PCDHGA1: variants seen among roughly 807,000 people sequenced by gnomAD.
PCDHGA1 encodes protocadherin gamma subfamily A, 1, also known as protocadherin gamma-A1.
In PCDHGA1, 32 loss-of-function variants were observed where a neutral mutation model predicts 58.0. The ratio of observed to expected loss-of-function variants is 0.55; its 90% CI spans 0.42 to 0.74. The LOEUF is 0.74. Ranked by LOEUF, PCDHGA1 falls within the 30% of genes least tolerant of loss-of-function variation. The pLI is 0.00. For synonymous variants in PCDHGA1, 498 were observed against 501.1 expected (o/e 0.99, Z 0.08); for missense variants, 1,205 against 1,182.3 (o/e 1.02, Z -0.28).
intron 1 of PCDHGA1, chr5:141,376,307 G>C: frequency 6.2e-7 from 1 of 1,614,192 alleles, no homozygotes; most frequent in Non-Finnish European, 8.5e-7. Flanking sequence ...GCACTTTGTG[G>C]GCGTGGAAGG....
At position 141,331,134 on chromosome 5, in the gene PCDHGA1, C is replaced by T; in HGVS notation, c.450C>T (p.Thr150=). 2 of 1,614,126 alleles carry T rather than the reference C, an allele frequency of 1.2e-6. No homozygotes were observed. The highest frequency in any genetic ancestry group is 1.7e-6 in the Non-Finnish European group (2 of 1,180,026). Residue 150 remains threonine (T), a synonymous_variant, in exon 1 of 4, where the codon ACC becomes ACT. Coordinates refer to ENST00000517417, the MANE Select transcript of PCDHGA1 (RefSeq NM_018912.3). ...FKMNEITTPG[T]RVSLPFGQDL... The stretch of plus-strand genomic sequence containing the variant: ...TGAATGAAATAACGACTCCAGGTAC[C>T]AGAGTCTCATTGCCTTTTGGGCAAG...
chr5:141,448,834 A>G (rs910945659), intron 1 of PCDHGA1, among the ~76,000 whole-genome samples: 2 of 151,780 alleles, frequency 1.3e-5, no homozygotes, highest in African/African-American at 4.8e-5. Context: ...AGTCCCAGCT[A>G]CTCTGGAGGC....
At position 141,486,811 on chromosome 5, in the gene PCDHGA1, C is replaced by A. The variant is rs2099635196; in HGVS notation, c.2422-7996C>A. On this transcript the variant is annotated intron_variant, in intron 1 of 3. Coordinates refer to ENST00000517417, the MANE Select transcript of PCDHGA1 (RefSeq NM_018912.3). The surrounding 1 kb of genome is among the most constrained non-coding windows in gnomAD (Gnocchi z 5.0). ...GGGATCGGGGCAACCCACCCCTTAG[C>A]AGCACTGTAACAGTTCGTCTATTTG... The A allele has an allele frequency of 1.2e-6, 2 of 1,614,124 alleles. No homozygotes were observed. The highest frequency in any genetic ancestry group is 2.2e-5 in the East Asian group (1 of 44,900).
At chr5:141,466,809 C>T (rs1187657283) in intron 1 of PCDHGA1, among the ~76,000 whole-genome samples, 2 of 152,102 alleles carry the variant, frequency 1.3e-5, no homozygotes, top group African/African-American at 4.8e-5. Context: ...CCTATTCAGA[C>T]ATGGTATAAC....
chr5:141,406,477 A>G (rs1233914824), intron 1 of PCDHGA1, among the ~76,000 whole-genome samples: 1 of 152,166 alleles, frequency 6.6e-6, no homozygotes, highest in Non-Finnish European at 1.5e-5. Flanking sequence ...TTGAGGTTAT[A>G]TTTTTCAGAT....
At chr5:141,433,066 C>A in intron 1 of PCDHGA1, 2 of 1,614,210 alleles carry the variant, frequency 1.2e-6, no homozygotes, top group Non-Finnish European at 1.7e-6. Context: ...GTCACCTGAT[C>A]TTCCCCCAGC....
At chr5:141,418,115 G>C in intron 1 of PCDHGA1, 1 of 1,614,098 alleles carries the variant, frequency 6.2e-7, no homozygotes, top group South Asian at 1.1e-5. Context: ...GGACTTACTT[G>C]TGAAGGACCG....
intron 1 of PCDHGA1, chr5:141,410,140 G>C: frequency 6.2e-7 from 1 of 1,612,782 alleles, no homozygotes; most frequent in Non-Finnish European, 8.5e-7. Context: ...TGGTCGCTGT[G>C]CGTGACGGTG....
chr5:141,432,413 G>C lies in PCDHGA1; in HGVS notation c.2422-62394G>C, dbSNP rs369816901. 9 of 1,614,114 alleles carry C rather than the reference G, an allele frequency of 5.6e-6. No homozygotes were observed. The highest frequency in any genetic ancestry group is 1.3e-5 in the African/African-American group (1 of 74,946). ...CAGCAACGTGTCGTTGAGCCTGTTCGTGCTGGACCAGAACGACAATGCGCC... is the reference window on the plus strand; with the variant it reads ...CAGCAACGTGTCGTTGAGCCTGTTCCTGCTGGACCAGAACGACAATGCGCC... On this transcript the variant is annotated intron_variant, in intron 1 of 3. Coordinates refer to ENST00000517417, the MANE Select transcript of PCDHGA1 (RefSeq NM_018912.3). This position sits in a 1 kb window ranked among gnomAD's most constrained non-coding sequence, Gnocchi z 6.0.
chr5:141,399,018 T>C lies in PCDHGA1; in HGVS notation c.2421+65913T>C. 5 of 1,613,892 alleles carry C rather than the reference T, an allele frequency of 3.1e-6. No individual in the cohort carries two copies. The South Asian group carries it at 3.3e-5, about 11-fold the overall frequency. On this transcript the variant is annotated intron_variant, in intron 1 of 3. Coordinates refer to ENST00000517417, the MANE Select transcript of PCDHGA1 (RefSeq NM_018912.3). ...GTCTGAATTCAAAGAGCGGAGAAATTACCACTCAAAAGAAACTGGATTTTG... is the reference window on the plus strand; with the variant it reads ...GTCTGAATTCAAAGAGCGGAGAAATCACCACTCAAAAGAAACTGGATTTTG...
rs184608067 is a variant in PCDHGA1 at position 141,349,550 on chromosome 5, A to T, written c.2421+16445A>T. On this transcript the variant is annotated intron_variant, in intron 1 of 3. Transcript: ENST00000517417. ...TTATCTATATTTTATAAAGAAGAGA[A>T]ATAACATAATAGTAAGGCTGTGATT... is the stretch of plus-strand genomic sequence containing the variant. 9.3e-3 allele frequency among the ~76,000 whole-genome samples: 1,418 copies of T among 152,282 alleles called. 26 individuals are homozygous for T. The highest frequency in any genetic ancestry group is 0.032 in the African/African-American group (1,331 of 41,554).
rs36031641 is a variant in PCDHGA1 at position 141,434,771 on chromosome 5, T to TA, written c.2422-60023dup. ...CCCCTGATTCCCCACTTCACACTTCTAAAAAAAAAAAAATTTTTTTTTCTG... is the reference window on the plus strand; with the variant it reads ...CCCCTGATTCCCCACTTCACACTTCTAAAAAAAAAAAAAATTTTTTTTTCTG... On this transcript the variant is annotated intron_variant, in intron 1 of 3. Coordinates refer to ENST00000517417, the MANE Select transcript of PCDHGA1 (RefSeq NM_018912.3). Among the ~76,000 whole-genome samples, 71 of 145,288 alleles carry TA rather than the reference T, an allele frequency of 4.9e-4. 1 individual carries two copies. The highest frequency in any genetic ancestry group is 3.6e-3 in the Middle Eastern group (1 of 278).
chr5:141,477,642 A>G lies in PCDHGA1; in HGVS notation c.2422-17165A>G, dbSNP rs767152121. On this transcript the variant is annotated intron_variant, in intron 1 of 3. Transcript: ENST00000517417. The surrounding 1 kb of genome is among the most constrained non-coding windows in gnomAD (Gnocchi z 4.9). ...GCTGAAACCGGGCTAGTGGGTCGCT[A>G]TTTCACAATAAATCGTGACAATGGC... 9 of 1,614,136 alleles carry G rather than the reference A, an allele frequency of 5.6e-6. No individual in the cohort carries two copies. Among genetic ancestry groups the G allele is most frequent in the Non-Finnish European group, 7.6e-6 (9 of 1,180,022 alleles).
chr5:141,488,656 G>A (rs2099678001), intron 1 of PCDHGA1, among the ~76,000 whole-genome samples: 1 of 152,200 alleles, frequency 6.6e-6, no homozygotes, highest in African/African-American at 2.4e-5. Flanking sequence ...ATGGGGGAGG[G>A]TGGGGGAATA....
Position 141,489,575 on chromosome 5 carries a change from AC to A in PCDHGA1, c.2422-5227del. On this transcript the variant is annotated intron_variant, in intron 1 of 3. Coordinates refer to ENST00000517417, the MANE Select transcript of PCDHGA1 (RefSeq NM_018912.3). This position sits in a 1 kb window ranked among gnomAD's most constrained non-coding sequence, Gnocchi z 4.5. ...CTGCCAGTGCAGGTGGTGACTGAAC[AC>A]CCCCTGGAGCTAATCCGTGTAGAGG... 1 of 1,613,788 alleles carries A rather than the reference AC, an allele frequency of 6.2e-7. No individual in the cohort carries two copies. Among genetic ancestry groups the A allele is most frequent in the Middle Eastern group, 1.6e-4 (1 of 6,062 alleles).
chr5:141,509,027 A>G (rs1409179803), intron 3 of PCDHGA1, among the ~76,000 whole-genome samples: 1 of 151,700 alleles, frequency 6.6e-6, no homozygotes, highest in Non-Finnish European at 1.5e-5. Flanking sequence ...GCTCCCTCCC[A>G]CTCAACCCCT....
chr5:141,382,592 A>C (rs1264942970), intron 1 of PCDHGA1: 2 of 246,462 alleles, frequency 8.1e-6, no homozygotes, highest in Non-Finnish European at 1.5e-5. Flanking sequence ...TTGAAAGATG[A>C]AACAATTTTC....
intron 1 of PCDHGA1, chr5:141,410,443 T>A (rs1207487083): frequency 6.2e-7 from 1 of 1,613,926 alleles, no homozygotes; most frequent in Non-Finnish European, 8.5e-7. Context: ...GTGAGGGGAC[T>A]TTGCCTTATT....
chr5:141,333,182 G>C, intron 1 of PCDHGA1, 77 bp downstream of exon 1: 1 of 1,594,956 alleles, frequency 6.3e-7, no homozygotes, highest in African/African-American at 1.3e-5. Flanking sequence ...TTCGCTCTTT[G>C]CTACAGATAG....
Sources: allele counts gnomAD v4.1 joint callset (sites outside exome capture counted in the v4.1 genomes callset), GRCh38; gene constraint gnomAD v4.1.1; non-coding constraint Gnocchi (gnomAD v3.1); transcripts MANE v1.5; gene names NCBI Gene and HGNC (gene_info 2026-07-23, HGNC 2026-07-21).